Variants in EYS observed in about 807,000 individuals in gnomAD.
EYS encodes the protein EGF-like photoreceptor maintenance factor.
In EYS, 250 loss-of-function variants were observed where a neutral mutation model predicts 282.1. The ratio of observed to expected loss-of-function variants is 0.89; its 90% CI spans 0.80 to 0.98. EYS has a LOEUF of 0.98. EYS is among the 50% of genes least tolerant of loss of function. EYS has a pLI of 0.00. For synonymous variants in EYS, 1,355 were observed against 1,282.9 expected (o/e 1.06, Z -1.20); for missense variants, 4,016 against 3,709.0 (o/e 1.08, Z -2.15).
At chr6:64,207,338 A>G (rs1317219834) in intron 31 of EYS, among the ~76,000 whole-genome samples, 5 of 151,970 alleles carry the variant, frequency 3.3e-5, no homozygotes, top group African/African-American at 1.2e-4. Flanking sequence ...ATGGTCCCTC[A>G]ATCTTGGCCT....
chr6:64,953,178 T>A (rs1769571573), intron 14 of EYS, among the ~76,000 whole-genome samples: 1 of 151,860 alleles, frequency 6.6e-6, no homozygotes, highest in African/African-American at 2.4e-5. Flanking sequence ...TTTTTATACA[T>A]TAGAATTATT....
At chr6:64,842,128 A>G (rs1495534) in intron 19 of EYS, among the ~76,000 whole-genome samples, 14,242 of 151,968 alleles carry the variant, frequency 0.094, 852 homozygotes, top group East Asian at 0.32. Flanking sequence ...CAGGGCATTA[A>G]TGCTAATAGT....
chr6:63,965,745 C>A (rs1442692049), intron 35 of EYS, among the ~76,000 whole-genome samples: 1 of 152,070 alleles, frequency 6.6e-6, no homozygotes, highest in Admixed American at 6.6e-5. Context: ...GGCTTTTGGA[C>A]CTTCCTTGGT....
chr6:64,392,729 A>G (rs918845199), intron 28 of EYS, among the ~76,000 whole-genome samples: 1 of 146,550 alleles, frequency 6.8e-6, no homozygotes, highest in African/African-American at 2.5e-5. Context: ...TAGAAAAGCA[A>G]GAGCAAACAC....
intron 1 of EYS, among the ~76,000 whole-genome samples, chr6:65,658,432 T>C (rs891214317): frequency 6.6e-6 from 1 of 151,684 alleles, no homozygotes; most frequent in Non-Finnish European, 1.5e-5. Context: ...AGAAGACTAA[T>C]ATTCCTGCAA....
intron 5 of EYS, among the ~76,000 whole-genome samples, chr6:65,416,906 G>A (rs1002796549): frequency 6.6e-6 from 1 of 151,930 alleles, no homozygotes; most frequent in African/African-American, 2.4e-5. Flanking sequence ...AAAAGTGACA[G>A]AAGAAATAAA....
intron 22 of EYS, among the ~76,000 whole-genome samples, chr6:64,681,755 C>T (rs1007926940): frequency 6.6e-6 from 1 of 152,112 alleles, no homozygotes; most frequent in African/African-American, 2.4e-5. Flanking sequence ...AGGTGATCAC[C>T]GGCTCAGTCA....
At chr6:65,190,488 G>A (rs144493079) in intron 12 of EYS, among the ~76,000 whole-genome samples, 3 of 151,300 alleles carry the variant, frequency 2.0e-5, no homozygotes, top group South Asian at 2.1e-4. Context: ...CCTAAGTGCC[G>A]TACCTACTGT....
In EYS at chr6:64,929,214, A is replaced by G. The variant is rs148533329; in HGVS notation, c.2382-16471T>C. On this transcript the variant is annotated intron_variant, in intron 15 of 42. Coordinates refer to ENST00000503581, the MANE Select transcript of EYS (RefSeq NM_001142800.2). ...CTCACACAGGAAGAAAACTACAAAA[A>G]TTGAAGGCTGAGATGAGGGTGATTC... Among the ~76,000 whole-genome samples, 877 of 152,192 alleles carry G rather than the reference A, an allele frequency of 5.8e-3. 4 individuals are homozygous for G. The highest frequency in any genetic ancestry group is 0.02 in the African/African-American group (831 of 41,552).
intron 30 of EYS, among the ~76,000 whole-genome samples, chr6:64,260,146 T>TC (rs1767541469): frequency 6.6e-6 from 1 of 151,060 alleles, no homozygotes; most frequent in African/African-American, 2.4e-5. Flanking sequence ...CAGGGGGTAT[T>TC]TTTTCCTTCA....
chr6:64,748,532 C>A (rs1772634089), intron 22 of EYS, among the ~76,000 whole-genome samples: 1 of 152,194 alleles, frequency 6.6e-6, no homozygotes, highest in African/African-American at 2.4e-5. Context: ...ATTCCAAACA[C>A]TTAACCTAAA....
Position 65,436,696 on chromosome 6 carries a change from T to C in EYS, c.863-31329A>G, listed in dbSNP as rs143153643. Among the ~76,000 whole-genome samples the C allele has an allele frequency of 1.8e-3, 275 of 152,172 alleles. 1 individual carries two copies. Among genetic ancestry groups the C allele is most frequent in the African/African-American group, 6.1e-3 (254 of 41,528 alleles). On this transcript the variant is annotated intron_variant, in intron 5 of 42. Coordinates refer to ENST00000503581, the MANE Select transcript of EYS (RefSeq NM_001142800.2). ...ATTCATCTAGATTGCTGAGAAAATA[T>C]CAATATACAAAATAGATAAATGTCC...
rs569971556 is a variant in EYS at position 65,655,452 on chromosome 6, T to C, written c.-447-15560A>G. Among the ~76,000 whole-genome samples, 6 of 151,846 alleles carry C rather than the reference T, an allele frequency of 4.0e-5. No homozygotes were observed. The East Asian group carries it at 9.7e-4, about 24-fold the overall frequency. The stretch of plus-strand genomic sequence containing the variant: ...ATAGTATATATACCAATTATAAATA[T>C]ATGTTGATAGTGTATCCCCTTGAAA... On this transcript the variant is annotated intron_variant, in intron 1 of 42. Coordinates refer to ENST00000503581, the MANE Select transcript of EYS (RefSeq NM_001142800.2).
intron 18 of EYS, among the ~76,000 whole-genome samples, chr6:64,887,380 T>C (rs7773073): frequency 0.55 from 83,227 of 151,106 alleles, 23,766 homozygotes; most frequent in Non-Finnish European, 0.61. Context: ...TGTATACATA[T>C]GTAACAAATC....
At chr6:65,536,042 A>G (rs929014278) in intron 2 of EYS, among the ~76,000 whole-genome samples, 2 of 152,140 alleles carry the variant, frequency 1.3e-5, no homozygotes, top group Non-Finnish European at 2.9e-5. Flanking sequence ...AGAAATTTAA[A>G]TGTGGTGACG....
intron 22 of EYS, among the ~76,000 whole-genome samples, chr6:64,798,037 T>G (rs920753055): frequency 1.3e-5 from 2 of 151,910 alleles, no homozygotes; most frequent in Non-Finnish European, 2.9e-5. Context: ...CTTCATTATA[T>G]TCTTTATAAT....
chr6:65,706,551 T>C (rs1349264200), intron 1 of EYS, among the ~76,000 whole-genome samples: 1 of 152,090 alleles, frequency 6.6e-6, no homozygotes, highest in Non-Finnish European at 1.5e-5. Flanking sequence ...AAAATCATCA[T>C]ATCTGATCAG....
chr6:64,094,488 G>A (rs374372586), intron 31 of EYS, among the ~76,000 whole-genome samples: 4 of 152,138 alleles, frequency 2.6e-5, no homozygotes, highest in Non-Finnish European at 5.9e-5. Context: ...TCTTGGGAGG[G>A]TGTATGTGTC....
intron 28 of EYS, among the ~76,000 whole-genome samples, chr6:64,425,761 G>A (rs534203205): frequency 1.3e-5 from 2 of 151,626 alleles, no homozygotes; most frequent in South Asian, 2.1e-4. Flanking sequence ...AGGACTTTCT[G>A]AAAAGGCTTG....
Sources: gnomAD v4.1 joint callset for allele counts (sites outside exome capture counted in the v4.1 genomes callset) on GRCh38, gnomAD v4.1.1 for gene constraint, MANE v1.5 for transcripts, NCBI Gene and HGNC (gene_info 2026-07-23, HGNC 2026-07-21) for gene names.